Variants in VIM observed in about 807,000 individuals in gnomAD.
The protein encoded by VIM is vimentin.
VIM carries 18 observed loss-of-function variants against 50.3 expected under a neutral mutation model. That is an observed-to-expected ratio of 0.36 (90% confidence interval 0.25 to 0.53). The LOEUF (loss-of-function observed/expected upper bound fraction) is 0.53. Among genes scored for constraint, VIM ranks in the 20% least tolerant of loss-of-function variants. VIM has a pLI of 0.91. For missense variants in VIM, 551 were observed against 614.7 expected, an observed-to-expected ratio of 0.90 and a Z score of 1.10; for synonymous variants, 245 against 248.5, an observed-to-expected ratio of 0.99 and a Z score of 0.13.
intron 3 of VIM, among the ~76,000 whole-genome samples, chr10:17,232,120 T>C (rs1173853261): frequency 3.3e-5 from 5 of 152,242 alleles, no homozygotes; most frequent in Admixed American, 3.3e-4. Flanking sequence ...CCTCATTCTC[T>C]TCAATGTGAT....
In VIM at chr10:17,235,292, C is replaced by T. The variant is rs201530534; in HGVS notation, c.1132C>T (p.Arg378Cys). The change falls in exon 7 of 10, where the codon CGT becomes TGT. Residue 378 changes from arginine to cysteine, a missense_variant. This residue lies in a region of VIM where 394 missense variants were observed against 437.5 expected (regional missense o/e 0.90). Coordinates refer to ENST00000544301, the MANE Select transcript of VIM (RefSeq NM_003380.5). ...TCAGAATATGAAGGAGGAAATGGCT[C>T]GTCACCTTCGTGAATACCAAGACCT... is the stretch of plus-strand genomic sequence containing the variant. ...EIQNMKEEMARHLREYQDLLN... is the reference protein window; with the variant it reads ...EIQNMKEEMACHLREYQDLLN... 8.7e-6 allele frequency: 14 copies of T among 1,614,166 alleles called. No individual in the cohort carries two copies. In the African/African-American group the frequency reaches 1.1e-4, roughly 12 times the overall value.
At chr10:17,228,889 TC>T (rs1354308715) in intron 1 of VIM, 2 of 165,504 alleles carry the variant, frequency 1.2e-5, no homozygotes, top group African/African-American at 2.4e-5. Context: ...CCCGCGGGTC[TC>T]CCCGCCTGAC....
chr10:17,229,840 G>C lies in VIM; in HGVS notation c.418G>C (p.Gly140Arg). The C allele has an allele frequency of 6.2e-7, 1 of 1,604,658 alleles. No individual in the cohort carries two copies. The highest frequency in any genetic ancestry group is 8.5e-7 in the Non-Finnish European group (1 of 1,176,028). Residue 140 changes from glycine (G) to arginine (R), a missense_variant, in exon 2 of 10, where the codon GGC becomes CGC. By Grantham distance (125) the Gly-to-Arg change is moderately radical. Around this residue, in one of 3 missense-constraint regions of VIM, gnomAD observed 394 missense variants for 437.5 expected, o/e 0.90. Coordinates refer to ENST00000544301, the MANE Select transcript of VIM (RefSeq NM_003380.5). ...ILLAELEQLK[G>R]QGKSRLGDLY... Reference sequence around the variant, plus strand: ...GCTGGCCGAGCTCGAGCAGCTCAAGGGCCAAGGCAAGTCGCGCCTGGGGGA... The same window carrying C: ...GCTGGCCGAGCTCGAGCAGCTCAAGCGCCAAGGCAAGTCGCGCCTGGGGGA...
chr10:17,233,446 C>A (rs367958322), intron 3 of VIM, 141 bp from the exon 4 acceptor site: 2 of 764,826 alleles, frequency 2.6e-6, no homozygotes, highest in African/African-American at 1.7e-5. Context: ...ATTTATAAAC[C>A]TATTCCAGGG....
chr10:17,228,989 C>G (rs1438070048), intron 1 of VIM: 2 of 242,392 alleles, frequency 8.3e-6, no homozygotes, highest in Non-Finnish European at 1.6e-5. Context: ...GGCGGACCCC[C>G]CCCTCACCGC....
At chr10:17,230,869 A>G in intron 3 of VIM, 159 bp downstream of exon 3, 1 of 717,966 alleles carries the variant, frequency 1.4e-6, no homozygotes, top group Non-Finnish European at 2.3e-6. Flanking sequence ...GGAGCTTCTC[A>G]TGATTAGAAA....
chr10:17,230,611 T>G (rs755811643), intron 2 of VIM, 39 bp from the exon 3 acceptor site: 40 of 1,612,628 alleles, frequency 2.5e-5, no homozygotes, highest in Non-Finnish European at 3.3e-5. Context: ...CCCCTGGCGG[T>G]TTCCTCGTTC....
rs1357615634 is a variant in VIM, at chr10:17,235,350, T to C, written c.1190T>C (p.Ile397Thr). Residue 397 changes from isoleucine (I) to threonine (T), a missense_variant, in exon 7 of 10, where the codon ATT (isoleucine) becomes ACT (threonine). Coordinates refer to ENST00000544301, the MANE Select transcript of VIM (RefSeq NM_003380.5). ...GTTAAGATGGCCCTTGACATTGAGA[T>C]TGCCACCTACAGGAAGCTGCTGGAA... ...LNVKMALDIE[I>T]ATYRKLLEGE... 3 of 1,614,098 alleles carry C rather than the reference T, an allele frequency of 1.9e-6. No homozygotes were observed. Among genetic ancestry groups the C allele is most frequent in the Admixed American group, 1.7e-5 (1 of 60,012 alleles).
chr10:17,229,370 G>A lies in VIM; in HGVS notation c.-53G>A. The A allele has an allele frequency of 6.5e-7, 1 of 1,544,112 alleles. No homozygotes were observed. The highest frequency in any genetic ancestry group is 8.7e-7 in the Non-Finnish European group (1 of 1,148,950). On this transcript the variant is annotated 5_prime_UTR_variant, in exon 2 of 10. Coordinates refer to ENST00000544301, the MANE Select transcript of VIM (RefSeq NM_003380.5). ...CGCGCCCTCGTTCGCCTCTTCTCCG[G>A]GAGCCAGTCCGCGCCACCGCCGCCG...
intron 3 of VIM, among the ~76,000 whole-genome samples, chr10:17,231,842 C>A (rs1006262803): frequency 9.3e-5 from 14 of 151,128 alleles, no homozygotes; most frequent in Admixed American, 9.2e-4. Context: ...AATCCAAAAG[C>A]CAGAAGATCC....
intron 8 of VIM, 47 bp from the exon 9 acceptor site, chr10:17,236,247 A>G: frequency 7.0e-7 from 1 of 1,437,318 alleles, no homozygotes; most frequent in Non-Finnish European, 9.8e-7. Context: ...TGGTTTTTCC[A>G]AGAAAAAACT....
intron 1 of VIM, chr10:17,229,002 G>T: frequency 4.6e-6 from 1 of 215,626 alleles, no homozygotes; most frequent in Non-Finnish European, 9.3e-6. Flanking sequence ...CTCACCGCGC[G>T]ACCCCGCCTT....
intron 3 of VIM, chr10:17,230,964 G>A (rs984302372): frequency 4.4e-6 from 2 of 450,444 alleles, no homozygotes; most frequent in South Asian, 2.2e-5. Flanking sequence ...GTGCAGTGGC[G>A]AGATCTTGGC....
intron 2 of VIM, 134 bp downstream of exon 2, chr10:17,230,119 G>T: frequency 8.6e-7 from 1 of 1,165,220 alleles, no homozygotes; most frequent in Admixed American, 2.8e-5. Flanking sequence ...GGGAGACAGC[G>T]GAGAGCGGGG....
chr10:17,230,496 C>T, intron 2 of VIM, 154 bp from the exon 3 acceptor site: 4 of 893,024 alleles, frequency 4.5e-6, no homozygotes, highest in Non-Finnish European at 7.6e-6. Flanking sequence ...CTGAAACCTG[C>T]CGAGGGCAGC....
In VIM at chr10:17,235,638, T is replaced by C. The variant is rs142643024; in HGVS notation, c.1230-208T>C. 1.6e-3 allele frequency: 1,090 copies of C among 696,314 alleles called. 7 individuals carry two copies. In the African/African-American group the frequency reaches 0.018, roughly 11 times the overall value. The allele number at this position is 696,314 out of a possible 1,614,324, so 43.1% of individuals were successfully genotyped here. A position where few individuals can be genotyped will look rare whatever the true frequency, so the allele number is the denominator to read the frequency against. On this transcript the variant is annotated intron_variant, in intron 7 of 9. Coordinates refer to ENST00000544301, the MANE Select transcript of VIM (RefSeq NM_003380.5). ...AGCCTCCACTCCTAACTCCTGTTCATGCTCCTGTGGAGAAAATGCTTGTAG... is the reference window on the plus strand; with the variant it reads ...AGCCTCCACTCCTAACTCCTGTTCACGCTCCTGTGGAGAAAATGCTTGTAG...
Position 17,233,849 on chromosome 10 carries a change from C to A in VIM, c.800C>A (p.Ala267Asp). ...GATGTTTCCAAGCCTGACCTCACGGCTGCCCTGCGTGACGTACGTCAGCAA... is the reference window on the plus strand; with the variant it reads ...GATGTTTCCAAGCCTGACCTCACGGATGCCCTGCGTGACGTACGTCAGCAA... ...DVDVSKPDLTAALRDVRQQYE... is the reference protein window; with the variant it reads ...DVDVSKPDLTDALRDVRQQYE... Residue 267 changes from alanine to aspartate, a missense_variant, in exon 5 of 10, where the codon GCT (alanine) becomes GAT (aspartate). Physicochemically the swap from Ala to Asp is moderately radical, Grantham distance 126. Coordinates refer to ENST00000544301, the MANE Select transcript of VIM (RefSeq NM_003380.5). The A allele has an allele frequency of 6.2e-7, 1 of 1,614,182 alleles. No individual in the cohort carries two copies. The highest frequency in any genetic ancestry group is 8.5e-7 in the Non-Finnish European group (1 of 1,180,034).
chr10:17,235,526 G>T (rs1846872749), intron 7 of VIM, 137 bp downstream of exon 7: 1 of 975,038 alleles, frequency 1.0e-6, no homozygotes. Context: ...TTGTAGAGGA[G>T]GAATTTGAAT....
intron 5 of VIM, 124 bp from the exon 6 acceptor site, chr10:17,234,569 G>C (rs552281097): frequency 4.8e-5 from 69 of 1,441,866 alleles, no homozygotes; most frequent in Non-Finnish European, 6.3e-5. Flanking sequence ...TCTTTCCCTG[G>C]CTTTCAAAAC....
Sources: gnomAD v4.1 joint callset for allele counts (sites outside exome capture counted in the v4.1 genomes callset) on GRCh38, gnomAD v4.1.1 for gene constraint, gnomAD v4.1.1 regional missense constraint, MANE v1.5 for transcripts, NCBI Gene and HGNC (gene_info 2026-07-23, HGNC 2026-07-21) for gene names.